Variants in GPRIN3 observed in about 807,000 individuals in gnomAD.
GPRIN3 encodes GPRIN family member 3, also known as G protein-regulated inducer of neurite outgrowth 3.
GPRIN3 carries 12 observed loss-of-function variants against 13.7 expected under a neutral mutation model. That is an observed-to-expected ratio of 0.87 (90% CI 0.56 to 1.42). The LOEUF (loss-of-function observed/expected upper bound fraction) is 1.42, where lower values mean the gene tolerates loss of function less well. GPRIN3 is among the 40% of genes most tolerant of loss of function. The probability of loss-of-function intolerance (pLI) is 0.00; values close to 1 mark genes in which losing one functional copy is unlikely to be tolerated. For missense variants in GPRIN3, 1,009 were observed against 958.7 expected, an observed-to-expected ratio of 1.05 and a Z score of -0.69; for synonymous variants, 377 against 372.7, an observed-to-expected ratio of 1.01 and a Z score of -0.13.
At position 89,249,097 on chromosome 4, in the gene GPRIN3, A is replaced by C; in HGVS notation, c.1014T>G (p.Ser338Arg). ...TTTCCTTCAGAAATGCAGTGAGGAT[A>C]CTGGGGCTGGTGGAGACGGATCTGC... ...VESRSVSTSPSILTAFLKESR... is the reference protein window; with the variant it reads ...VESRSVSTSPRILTAFLKESR... Residue 338 changes from serine to arginine, a missense_variant, in exon 2 of 2, where the codon AGT (serine) becomes AGG (arginine). Ser to Arg is a moderately radical substitution (Grantham distance 110). Coordinates refer to ENST00000609438, the MANE Select transcript of GPRIN3 (RefSeq NM_198281.3). 6.2e-7 allele frequency: 1 copy of C among 1,614,158 alleles called. No homozygotes were observed. The highest frequency in any genetic ancestry group is 1.7e-5 in the Admixed American group (1 of 60,022).
chr4:89,252,546 A>G (rs1310487902), intron 1 of GPRIN3, among the ~76,000 whole-genome samples: 1 of 152,348 alleles, frequency 6.6e-6, no homozygotes, highest in East Asian at 1.9e-4. Context: ...CTCAGGCTAC[A>G]AAGTGTCAAA....
At chr4:89,253,016 G>GAAAAAA (rs11408492) in intron 1 of GPRIN3, among the ~76,000 whole-genome samples, 1 of 124,080 alleles carries the variant, frequency 8.1e-6, no homozygotes. Context: ...TCTCAAAAAA[G>GAAAAAA]AAAAAAAAAA....
chr4:89,272,928 A>G (rs1343342046), intron 1 of GPRIN3, among the ~76,000 whole-genome samples: 1 of 152,228 alleles, frequency 6.6e-6, no homozygotes, highest in African/African-American at 2.4e-5. Flanking sequence ...ATAGGTAACC[A>G]TCAGCTTGGG....
chr4:89,290,563 C>A (rs549516562), intron 1 of GPRIN3, among the ~76,000 whole-genome samples: 2 of 152,238 alleles, frequency 1.3e-5, no homozygotes, highest in South Asian at 4.2e-4. Context: ...GTTCCTGATA[C>A]CCTCAGCAGG....
intron 1 of GPRIN3, among the ~76,000 whole-genome samples, chr4:89,273,926 T>C (rs1724026541): frequency 6.6e-6 from 1 of 152,176 alleles, no homozygotes; most frequent in African/African-American, 2.4e-5. Context: ...AATTAAGCAA[T>C]AGTGTACTAA....
At chr4:89,272,101 A>G (rs891436574) in intron 1 of GPRIN3, among the ~76,000 whole-genome samples, 1 of 152,208 alleles carries the variant, frequency 6.6e-6, no homozygotes, top group African/African-American at 2.4e-5. Flanking sequence ...TCCAGCCTCC[A>G]GAAATAAATT....
At chr4:89,280,402 C>A (rs1298675827) in intron 1 of GPRIN3, among the ~76,000 whole-genome samples, 1 of 152,150 alleles carries the variant, frequency 6.6e-6, no homozygotes, top group Non-Finnish European at 1.5e-5. Context: ...AGATGAAGTT[C>A]AAATTCTTGA....
At chr4:89,264,384 C>T (rs913218966) in intron 1 of GPRIN3, among the ~76,000 whole-genome samples, 10 of 152,160 alleles carry the variant, frequency 6.6e-5, no homozygotes, top group African/African-American at 2.4e-4. Flanking sequence ...AGATACTGGT[C>T]CCAGGCTTTT....
At chr4:89,288,629 A>G (rs1462370485) in intron 1 of GPRIN3, among the ~76,000 whole-genome samples, 1 of 152,216 alleles carries the variant, frequency 6.6e-6, no homozygotes, top group Non-Finnish European at 1.5e-5. Context: ...TCAGAAAAAC[A>G]ATATGCTCTT....
chr4:89,249,154 A>G lies in GPRIN3; in HGVS notation c.957T>C (p.Asp319=), dbSNP rs748973468. 2.5e-6 allele frequency: 4 copies of G among 1,614,214 alleles called. No homozygotes were observed. The highest frequency in any genetic ancestry group is 1.7e-5 in the Admixed American group (1 of 60,028). Residue 319 remains aspartate (D), a synonymous_variant, in exon 2 of 2, where the codon GAT becomes GAC. Coordinates refer to ENST00000609438, the MANE Select transcript of GPRIN3 (RefSeq NM_198281.3). Reference sequence around the variant, plus strand: ...CACTCGCCACTGCCTGCACCTCCGCATCTTGCCAAGCCCTGCTGGGAACTT... The same window carrying G: ...CACTCGCCACTGCCTGCACCTCCGCGTCTTGCCAAGCCCTGCTGGGAACTT... ...IKEVPSRAWQ[D]AEVQAVASVE...
intron 1 of GPRIN3, among the ~76,000 whole-genome samples, chr4:89,302,105 G>T (rs1347988757): frequency 6.6e-6 from 1 of 152,168 alleles, no homozygotes; most frequent in African/African-American, 2.4e-5. Context: ...TTTCTGCTAC[G>T]CTAGACCCTT....
rs770292488 is a variant in GPRIN3 at position 89,248,315 on chromosome 4, G to A, written c.1796C>T (p.Thr599Ile). Reference protein sequence around the residue: ...QESTLEENRQTKTATSLSLPS... With the variant: ...QESTLEENRQIKTATSLSLPS... ...CAGGCTCAGGCTGGTGGCTGTCTTG[G>A]TCTGTCTGTTTTCTTCTAAGGTGCT... Residue 599 changes from threonine to isoleucine, a missense_variant, in exon 2 of 2, where the codon ACC becomes ATC. Coordinates refer to ENST00000609438, the MANE Select transcript of GPRIN3 (RefSeq NM_198281.3). The A allele has an allele frequency of 8.7e-6, 14 of 1,614,132 alleles. No individual in the cohort carries two copies. Among genetic ancestry groups the A allele is most frequent in the Non-Finnish European group, 2.5e-6 (3 of 1,180,014 alleles).
At chr4:89,288,174 T>C (rs1375093388) in intron 1 of GPRIN3, among the ~76,000 whole-genome samples, 1 of 152,230 alleles carries the variant, frequency 6.6e-6, no homozygotes, top group Non-Finnish European at 1.5e-5. Context: ...TCTCTGTGAC[T>C]TCTTAACTGC....
intron 1 of GPRIN3, among the ~76,000 whole-genome samples, chr4:89,300,673 T>C (rs1044118103): frequency 5.9e-5 from 9 of 152,116 alleles, no homozygotes; most frequent in Admixed American, 2.6e-4. Flanking sequence ...ATCCCTCATA[T>C]GAAAGGAGAC....
chr4:89,263,164 C>A (rs1203187148), intron 1 of GPRIN3, among the ~76,000 whole-genome samples: 3 of 152,148 alleles, frequency 2.0e-5, no homozygotes, highest in African/African-American at 7.2e-5. Context: ...TAAACACTTA[C>A]CCGCCACTTG....
chr4:89,302,081 T>C (rs770324153), intron 1 of GPRIN3, among the ~76,000 whole-genome samples: 3 of 152,346 alleles, frequency 2.0e-5, no homozygotes, highest in Non-Finnish European at 2.9e-5. Flanking sequence ...ATCACCCAGC[T>C]GATCCCCACG....
In GPRIN3 at chr4:89,245,356, T is replaced by C. The variant is rs1376794852; in HGVS notation, c.*2424A>G. On this transcript the variant is annotated 3_prime_UTR_variant, in exon 2 of 2. Coordinates refer to ENST00000609438, the MANE Select transcript of GPRIN3 (RefSeq NM_198281.3). ...AAGAAAATCAGTTAAACTCAGTACATTAAACAAATTTTCTTAAAGTTTTGA... is the reference window on the plus strand; with the variant it reads ...AAGAAAATCAGTTAAACTCAGTACACTAAACAAATTTTCTTAAAGTTTTGA... 1.3e-5 allele frequency: 2 copies of C among 152,348 alleles called. No individual in the cohort carries two copies. Among genetic ancestry groups the C allele is most frequent in the Non-Finnish European group, 1.5e-5 (1 of 68,024 alleles). 9.4% of individuals were successfully genotyped at this position (152,348 alleles called of 1,614,324 possible).
intron 1 of GPRIN3, among the ~76,000 whole-genome samples, chr4:89,277,346 G>T (rs1284685330): frequency 6.6e-6 from 1 of 152,218 alleles, no homozygotes; most frequent in African/African-American, 2.4e-5. Context: ...CCAAGGAGGG[G>T]TCTGCAGTCC....
chr4:89,255,572 G>A (rs1222659870), intron 1 of GPRIN3, among the ~76,000 whole-genome samples: 1 of 152,156 alleles, frequency 6.6e-6, no homozygotes, highest in African/African-American at 2.4e-5. Context: ...AGAGGGTTGT[G>A]GTGGGGGGCA....
Sources: allele counts gnomAD v4.1 joint callset (sites outside exome capture counted in the v4.1 genomes callset), GRCh38; gene constraint gnomAD v4.1.1; transcripts MANE v1.5; gene names NCBI Gene and HGNC (gene_info 2026-07-23, HGNC 2026-07-21).